The following PCP4 variants were observed in gnomAD, a reference collection of about 807,000 sequenced individuals.
PCP4 encodes the protein calmodulin regulator protein PCP4.
PCP4 carries 8 observed loss-of-function variants against 10.0 expected under a neutral mutation model. The observed-to-expected ratio is 0.80, with a 90% CI of 0.47 to 1.45. PCP4 has a LOEUF of 1.45. Ranked by LOEUF, PCP4 falls within the 40% of genes most tolerant of loss-of-function variation. The pLI, the probability that PCP4 is intolerant of heterozygous loss-of-function variation, is 0.00. For synonymous variants in PCP4, 21 were observed against 23.0 expected, an observed-to-expected ratio of 0.91 and a Z score of 0.24; for missense variants, 54 against 74.4, an observed-to-expected ratio of 0.73 and a Z score of 1.01.
chr21:39,872,012 T>G, intron 1 of PCP4, among the ~76,000 whole-genome samples: 1 of 152,328 alleles, frequency 6.6e-6, no homozygotes, highest in African/African-American at 2.4e-5. Flanking sequence ...TTTACTTATT[T>G]ATTTGAGATG....
chr21:39,927,279 GATCT>G (rs10526940), intron 2 of PCP4, among the ~76,000 whole-genome samples: 17,983 of 139,138 alleles, frequency 0.13, 1,230 homozygotes, highest in Non-Finnish European at 0.16. Flanking sequence ...CTGTCTCTCT[GATCT>G]ATCTATCTAT....
intron 2 of PCP4, chr21:39,916,004 T>G (rs2087566794): frequency 6.6e-6 from 1 of 152,248 alleles, no homozygotes; most frequent in African/African-American, 2.4e-5. Context: ...AATTGTTGGA[T>G]GACTAATTTG....
intron 2 of PCP4, among the ~76,000 whole-genome samples, chr21:39,922,354 T>C (rs2087600703): frequency 6.6e-6 from 1 of 152,240 alleles, no homozygotes. Context: ...AAGGGCTGCC[T>C]GAGCTTTCTC....
intron 1 of PCP4, among the ~76,000 whole-genome samples, chr21:39,872,613 G>T (rs951254154): frequency 6.6e-6 from 1 of 152,222 alleles, no homozygotes; most frequent in African/African-American, 2.4e-5. Context: ...ATTATAGGCT[G>T]CATAGTATTG....
At position 39,867,565 on chromosome 21, in the gene PCP4, C is replaced by T. The variant is rs2087300579; in HGVS notation, c.9+55C>T. On this transcript the variant is annotated intron_variant, in intron 1 of 2. Coordinates refer to ENST00000328619, the MANE Select transcript of PCP4 (RefSeq NM_006198.3). ...ACTTAGGAGTGAGAAGGGACCTCGG[C>T]TGAAGGATTAGTCTCAGGAAATGTG... 6 of 1,554,482 alleles carry T rather than the reference C, an allele frequency of 3.9e-6. No individual in the cohort carries two copies. The Admixed American group carries it at 5.0e-5, about 13-fold the overall frequency.
chr21:39,918,479 C>T (rs984922170), intron 2 of PCP4, among the ~76,000 whole-genome samples: 5 of 152,128 alleles, frequency 3.3e-5, no homozygotes, highest in Admixed American at 2.0e-4. Flanking sequence ...TTTGAACAAT[C>T]GAAGACTGTG....
At chr21:39,915,554 G>A (rs567384230) in intron 2 of PCP4, among the ~76,000 whole-genome samples, 1 of 152,338 alleles carries the variant, frequency 6.6e-6, no homozygotes, top group Non-Finnish European at 1.5e-5. Flanking sequence ...TCTGGAGGTA[G>A]ATGGTCAAGG....
chr21:39,887,461 G>A (rs1019650491), intron 1 of PCP4, among the ~76,000 whole-genome samples: 7 of 151,808 alleles, frequency 4.6e-5, no homozygotes, highest in African/African-American at 1.7e-4. Flanking sequence ...GTTATTAGGA[G>A]AATTATAGAT....
chr21:39,889,826 G>GGAATTCATT (rs1276620372), intron 1 of PCP4, among the ~76,000 whole-genome samples: 1 of 152,070 alleles, frequency 6.6e-6, no homozygotes, highest in Non-Finnish European at 1.5e-5. Context: ...TTAACCAGCT[G>GGAATTCATT]GAATTCATTT....
chr21:39,899,657 T>C (rs915761281), intron 2 of PCP4, among the ~76,000 whole-genome samples: 8 of 152,078 alleles, frequency 5.3e-5, no homozygotes, highest in Admixed American at 2.0e-4. Context: ...AATGTCCTAA[T>C]TGGAGCTAGG....
intron 2 of PCP4, among the ~76,000 whole-genome samples, chr21:39,927,320 ATCATCTATCTATCTATCTG>A (rs1200975070): frequency 9.2e-5 from 9 of 97,812 alleles, no homozygotes; most frequent in South Asian, 3.5e-4. Context: ...CTATCTATCT[ATCATCTATCTATCTATCTG>A]TCTATCTATC....
At chr21:39,927,323 A>ATCTATCTATCTG (rs2087628017) in intron 2 of PCP4, among the ~76,000 whole-genome samples, 1 of 28,228 alleles carries the variant, frequency 3.5e-5, no homozygotes, top group African/African-American at 1.2e-4. Context: ...TCTATCTATC[A>ATCTATCTATCTG]TCTATCTATC....
At chr21:39,871,060 C>T (rs925881880) in intron 1 of PCP4, among the ~76,000 whole-genome samples, 4 of 152,162 alleles carry the variant, frequency 2.6e-5, no homozygotes, top group Admixed American at 6.5e-5. Context: ...TACGTTAAAA[C>T]GTACAATAAT....
chr21:39,910,483 A>T (rs1177068487), intron 2 of PCP4, among the ~76,000 whole-genome samples: 1 of 152,198 alleles, frequency 6.6e-6, no homozygotes, highest in East Asian at 1.9e-4. Context: ...CATTAAAAAA[A>T]AAAGTGTTTT....
intron 2 of PCP4, among the ~76,000 whole-genome samples, chr21:39,904,741 A>G (rs139977107): frequency 8.5e-5 from 13 of 152,330 alleles, no homozygotes; most frequent in Non-Finnish European, 1.9e-4. Context: ...CCTGCGATTC[A>G]GAGTTTTGCT....
chr21:39,907,007 G>A (rs1358825881), intron 2 of PCP4, among the ~76,000 whole-genome samples: 2 of 152,244 alleles, frequency 1.3e-5, no homozygotes, highest in East Asian at 3.9e-4. Flanking sequence ...TGCACAGCAG[G>A]CAGTTTTTCA....
chr21:39,881,821 C>T (rs1328922463), intron 1 of PCP4, among the ~76,000 whole-genome samples: 1 of 152,228 alleles, frequency 6.6e-6, no homozygotes, highest in Non-Finnish European at 1.5e-5. Flanking sequence ...GGTTTTCCGT[C>T]TTCCAAGCCA....
chr21:39,903,876 C>CAAAAAAAAAAAAAA (rs67572508), intron 2 of PCP4, among the ~76,000 whole-genome samples: 4 of 95,536 alleles, frequency 4.2e-5, no homozygotes, highest in African/African-American at 7.8e-5. Context: ...TCAAAAAAAA[C>CAAAAAAAAAAAAAA]AAAAAAAAAA....
At chr21:39,897,978 G>A (rs1046008317) in intron 1 of PCP4, among the ~76,000 whole-genome samples, 21 of 149,586 alleles carry the variant, frequency 1.4e-4, no homozygotes, top group African/African-American at 5.0e-4. Context: ...CCTGGGAGGC[G>A]GAGGTTGCAG....
Sources: gnomAD v4.1 joint callset for allele counts (sites outside exome capture counted in the v4.1 genomes callset) on GRCh38, gnomAD v4.1.1 for gene constraint, MANE v1.5 for transcripts, NCBI Gene and HGNC (gene_info 2026-07-23, HGNC 2026-07-21) for gene names.